SYNE1: variants seen among roughly 807,000 people sequenced by gnomAD.
SYNE1 encodes the protein nesprin-1.
SYNE1 carries 616 observed loss-of-function variants against 1,111.0 expected under a neutral mutation model. The ratio of observed to expected loss-of-function variants is 0.55; its 90% CI spans 0.52 to 0.59. SYNE1 has a LOEUF of 0.59. Ranked by LOEUF, SYNE1 falls within the 20% of genes least tolerant of loss-of-function variation. The pLI, the probability that SYNE1 is intolerant of heterozygous loss-of-function variation, is 0.00. For synonymous variants in SYNE1, 3,855 were observed against 3,825.8 expected, an observed-to-expected ratio of 1.01 and a Z score of -0.28; for missense variants, 10,006 against 10,417.0, an observed-to-expected ratio of 0.96 and a Z score of 1.72.
chr6:152,636,539 C>CT (rs2099706191), intron 2 of SYNE1, 99 bp downstream of exon 2: 1 of 153,126 alleles, frequency 6.5e-6, no homozygotes, highest in Admixed American at 6.5e-5. Flanking sequence ...CAGGCACAAA[C>CT]TTGCTGACAA....
At position 152,221,566 on chromosome 6, in the gene SYNE1, C is replaced by G; in HGVS notation, c.21523-7G>C. Reference sequence around the variant, plus strand: ...CCAGATCATCTTGGAGATTCTGCCCCAAAAAAAAGACCCATAGATGACATA... The same window carrying G: ...CCAGATCATCTTGGAGATTCTGCCCGAAAAAAAAGACCCATAGATGACATA... On this transcript the variant is annotated splice_polypyrimidine_tract_variant and splice_region_variant and intron_variant, in intron 117 of 145. Coordinates refer to ENST00000367255, the MANE Select transcript of SYNE1 (RefSeq NM_182961.4). 6.2e-7 allele frequency: 1 copy of G among 1,611,202 alleles called. No individual in the cohort carries two copies. Among genetic ancestry groups the G allele is most frequent in the South Asian group, 1.1e-5 (1 of 90,966 alleles).
intron 109 of SYNE1, 44 bp from the exon 110 acceptor site, chr6:152,236,347 T>A: frequency 6.9e-7 from 1 of 1,449,642 alleles, no homozygotes; most frequent in Non-Finnish European, 9.6e-7. Flanking sequence ...GATATGCAAT[T>A]TTTGTCTTTA....
chr6:152,543,754 C>T (rs918157346), intron 3 of SYNE1, among the ~76,000 whole-genome samples: 17 of 152,112 alleles, frequency 1.1e-4, no homozygotes, highest in African/African-American at 4.1e-4. Flanking sequence ...GTAGGGCAAC[C>T]CATTGCTTTT....
chr6:152,304,074 A>C (rs966496658), intron 91 of SYNE1, among the ~76,000 whole-genome samples: 1 of 152,282 alleles, frequency 6.6e-6, no homozygotes, highest in East Asian at 1.9e-4. Flanking sequence ...GGATTTAAAA[A>C]GTAGACATCA....
intron 73 of SYNE1, among the ~76,000 whole-genome samples, chr6:152,346,259 C>A (rs1365035984): frequency 6.6e-6 from 1 of 152,054 alleles, no homozygotes; most frequent in East Asian, 2.0e-4. Context: ...CTCTGCCTCC[C>A]ACGTTCAAGC....
intron 129 of SYNE1, among the ~76,000 whole-genome samples, chr6:152,178,957 AGGCTG>A (rs1415497742): frequency 1.5e-5 from 2 of 133,372 alleles, no homozygotes; most frequent in Admixed American, 1.7e-4. Context: ...TCTGTCACCC[AGGCTG>A]GAGTGCAGTG....
Position 152,373,159 on chromosome 6 carries a change from C to T in SYNE1, c.9385G>A (p.Glu3129Lys). The T allele has an allele frequency of 6.2e-7, 1 of 1,613,974 alleles. No homozygotes were observed. Among genetic ancestry groups the T allele is most frequent in the Non-Finnish European group, 8.5e-7 (1 of 1,180,018 alleles). The change falls in exon 59 of 146, where the codon GAA (glutamate) becomes AAA (lysine). Residue 3129 changes from glutamate (E) to lysine (K), a missense_variant. Transcript: ENST00000367255. The stretch of plus-strand genomic sequence containing the variant: ...TTGGTCAGCAGGGTACTCAGAAGTT[C>T]CCCTTTAGACAGCATCATGTTTAGC... The part of the protein sequence containing the change: ...HKLNMMLSKG[E>K]LLSTLLTKEK...
At chr6:152,428,427 C>A (rs1592496374) in intron 36 of SYNE1, 35 bp from the exon 37 acceptor site, 1 of 1,610,408 alleles carries the variant, frequency 6.2e-7, no homozygotes, top group South Asian at 1.1e-5. Flanking sequence ...AGTGAAAGCA[C>A]AGGAGCCAAC....
intron 123 of SYNE1, among the ~76,000 whole-genome samples, chr6:152,213,183 AT>A (rs1249766335): frequency 6.6e-6 from 1 of 152,222 alleles, no homozygotes; most frequent in African/African-American, 2.4e-5. Flanking sequence ...CTGGTATAAA[AT>A]TCATATACGC....
chr6:152,534,910 CT>C (rs2099226752), intron 4 of SYNE1, among the ~76,000 whole-genome samples: 2 of 152,162 alleles, frequency 1.3e-5, no homozygotes, highest in Admixed American at 6.5e-5. Context: ...CAAAATGTTC[CT>C]TTTAAAAGAC....
intron 96 of SYNE1, among the ~76,000 whole-genome samples, chr6:152,283,243 A>G (rs1310825037): frequency 6.6e-6 from 1 of 152,262 alleles, no homozygotes; most frequent in Non-Finnish European, 1.5e-5. Context: ...GAACCAGAAT[A>G]GCAAGAGTAT....
chr6:152,472,598 TA>T, intron 14 of SYNE1, 185 bp from the exon 15 acceptor site: 2 of 705,500 alleles, frequency 2.8e-6, no homozygotes, highest in Non-Finnish European at 2.6e-6. Context: ...TGCTTGTACT[TA>T]AAACACTATG....
At chr6:152,463,093 G>C (rs1001011909) in intron 19 of SYNE1, among the ~76,000 whole-genome samples, 2 of 152,106 alleles carry the variant, frequency 1.3e-5, no homozygotes, top group African/African-American at 2.4e-5. Context: ...GAAGAAATAT[G>C]ATTTGAAACG....
intron 131 of SYNE1, 100 bp downstream of exon 131, chr6:152,164,063 C>G (rs951743412): frequency 7.5e-5 from 114 of 1,520,824 alleles, no homozygotes; most frequent in Non-Finnish European, 9.2e-5. Context: ...TCCCTGCTGA[C>G]CTTCCATCTC....
rs146244669 is a variant in SYNE1, at chr6:152,419,708, T to C, written c.5282A>G (p.Gln1761Arg). 138 of 1,614,010 alleles carry C rather than the reference T, an allele frequency of 8.6e-5. No homozygotes were observed. In the African/African-American group the frequency reaches 1.7e-3, roughly 19 times the overall value. Residue 1761 changes from glutamine (Q) to arginine (R), a missense_variant, in exon 40 of 146, where the codon CAG becomes CGG. By Grantham distance (43) the Gln-to-Arg change is conservative. Coordinates refer to ENST00000367255, the MANE Select transcript of SYNE1 (RefSeq NM_182961.4). ...TTGCTGGTGTTCAGCAACCACAGACTGAAGAAAATTAATCCTATGTAGACA... is the reference window on the plus strand; with the variant it reads ...TTGCTGGTGTTCAGCAACCACAGACCGAAGAAAATTAATCCTATGTAGACA... The part of the protein sequence containing the change: ...QIINKRINFL[Q>R]SVVAEHQQFD...
At chr6:152,376,955 G>A (rs760437635) in intron 56 of SYNE1, 43 bp from the exon 57 acceptor site, 4 of 1,609,312 alleles carry the variant, frequency 2.5e-6, no homozygotes, top group South Asian at 1.1e-5. Flanking sequence ...ACTTACATTG[G>A]GTGATCTCCA....
intron 22 of SYNE1, among the ~76,000 whole-genome samples, chr6:152,456,262 T>G (rs2098695137): frequency 8.0e-6 from 1 of 124,502 alleles, no homozygotes; most frequent in African/African-American, 3.6e-5. Context: ...ATTTAAATGT[T>G]ACAAAGAGTT....
chr6:152,226,236 C>T (rs953461589), intron 115 of SYNE1, among the ~76,000 whole-genome samples: 7 of 152,198 alleles, frequency 4.6e-5, no homozygotes, highest in African/African-American at 1.7e-4. Context: ...CAAAAAGTTA[C>T]GCTGCCTACC....
intron 98 of SYNE1, among the ~76,000 whole-genome samples, chr6:152,275,274 C>T (rs897998817): frequency 6.6e-6 from 1 of 151,570 alleles, no homozygotes; most frequent in South Asian, 2.1e-4. Flanking sequence ...TTTTCCCTAT[C>T]CTAAGATTAA....
Sources: allele counts gnomAD v4.1 joint callset (sites outside exome capture counted in the v4.1 genomes callset), GRCh38; gene constraint gnomAD v4.1.1; transcripts MANE v1.5; gene names NCBI Gene and HGNC (gene_info 2026-07-23, HGNC 2026-07-21).